Variants in NDUFA10 observed in about 807,000 individuals in gnomAD.
The protein encoded by NDUFA10 is NADH:ubiquinone oxidoreductase subunit A10.
In NDUFA10, 40 loss-of-function variants were observed where a neutral mutation model predicts 47.8. The ratio of observed to expected loss-of-function variants is 0.84; its 90% confidence interval spans 0.65 to 1.09. The LOEUF (loss-of-function observed/expected upper bound fraction) is 1.09, where lower values mean the gene tolerates loss of function less well. Ranked by LOEUF, NDUFA10 falls within the 50% of genes least tolerant of loss-of-function variation. NDUFA10 has a pLI of 0.00. For synonymous variants in NDUFA10, 183 were observed against 172.2 expected (o/e 1.06, Z -0.49); for missense variants, 413 against 451.1 (o/e 0.92, Z 0.76).
intron 9 of NDUFA10, among the ~76,000 whole-genome samples, chr2:239,972,146 T>A (rs893285921): frequency 1.3e-4 from 6 of 46,352 alleles, no homozygotes; most frequent in Non-Finnish European, 2.2e-4. Flanking sequence ...GATGTGTGTG[T>A]GTGTGTGTGT....
chr2:239,932,345 T>C (rs1412157277), intron 4 of NDUFA10, among the ~76,000 whole-genome samples: 5 of 152,206 alleles, frequency 3.3e-5, no homozygotes, highest in Non-Finnish European at 7.3e-5. Context: ...TGCATTCTGC[T>C]TTTCTTCTAA....
intron 4 of NDUFA10, among the ~76,000 whole-genome samples, chr2:239,911,245 G>C (rs1180301042): frequency 1.3e-5 from 2 of 152,156 alleles, no homozygotes; most frequent in African/African-American, 4.8e-5. Flanking sequence ...CCTGACCTGG[G>C]AGAAGGGGCT....
chr2:239,921,335 G>C (rs945699745), intron 4 of NDUFA10, among the ~76,000 whole-genome samples: 1 of 128,160 alleles, frequency 7.8e-6, no homozygotes, highest in African/African-American at 3.2e-5. Flanking sequence ...GACCCAAAGA[G>C]TGGAGAAGGA....
chr2:239,939,468 G>C (rs905824474), intron 4 of NDUFA10, among the ~76,000 whole-genome samples: 1 of 152,250 alleles, frequency 6.6e-6, no homozygotes, highest in Non-Finnish European at 1.5e-5. Context: ...GTACTCCAAC[G>C]TGTCTGCCAT....
At chr2:240,018,050 C>T (rs1371773082) in intron 4 of NDUFA10, 3 of 696,096 alleles carry the variant, frequency 4.3e-6, no homozygotes, top group Non-Finnish European at 7.4e-6. Flanking sequence ...TGTTCCTTTC[C>T]ATTTGCCACT....
intron 6 of NDUFA10, 115 bp from the exon 7 acceptor site, chr2:240,007,485 T>C: frequency 1.3e-6 from 1 of 762,922 alleles, no homozygotes; most frequent in South Asian, 1.5e-5. Flanking sequence ...TCACATTCTC[T>C]GCACTGGGCA....
rs1339609689 is a variant in NDUFA10 at position 239,922,068 on chromosome 2, T to C, written c.295-26754A>G. Among the ~76,000 whole-genome samples the C allele has an allele frequency of 8.3e-5, 11 of 133,140 alleles. No individual in the cohort carries two copies. The East Asian group carries it at 2.5e-3, about 31-fold the overall frequency. 87.3% of individuals were successfully genotyped at this position (133,140 alleles called of 152,430 possible). On this transcript the variant is annotated intron_variant, in intron 4 of 5. Coordinates refer to the NDUFA10 transcript ENST00000419408. ...TTCTTCCCTCCCTCCCTTCCTTCTT[T>C]CCTTCCTTCCTTGCTTGTTTCCTTC...
At chr2:239,962,209 G>GTA (rs1417239555) in intron 9 of NDUFA10, among the ~76,000 whole-genome samples, 8 of 105,194 alleles carry the variant, frequency 7.6e-5, no homozygotes, top group African/African-American at 2.3e-4. Context: ...GTCAATTTGT[G>GTA]TACACACACA....
intron 4 of NDUFA10, among the ~76,000 whole-genome samples, chr2:239,949,834 C>G (rs1161144337): frequency 6.6e-6 from 1 of 152,200 alleles, no homozygotes; most frequent in Non-Finnish European, 1.5e-5. Flanking sequence ...ACTTGCACCA[C>G]TGGCTCTCCT....
intron 8 of NDUFA10, among the ~76,000 whole-genome samples, chr2:239,996,503 A>G (rs909085551): frequency 1.3e-5 from 2 of 152,206 alleles, no homozygotes; most frequent in Admixed American, 1.3e-4. Context: ...TAAAAATACA[A>G]CTTATCCACA....
At chr2:239,908,057 C>T (rs1693687486) in intron 4 of NDUFA10, among the ~76,000 whole-genome samples, 1 of 152,186 alleles carries the variant, frequency 6.6e-6, no homozygotes, top group African/African-American at 2.4e-5. Flanking sequence ...CCATGGAATA[C>T]TATGCAGCCA....
intron 9 of NDUFA10, among the ~76,000 whole-genome samples, chr2:239,985,507 G>A (rs1171340575): frequency 6.6e-6 from 1 of 151,928 alleles, no homozygotes; most frequent in Non-Finnish European, 1.5e-5. Context: ...ATACAGAAAG[G>A]AGCAGACACA....
intron 9 of NDUFA10, among the ~76,000 whole-genome samples, chr2:239,977,935 G>T (rs1164677063): frequency 1.3e-5 from 2 of 152,168 alleles, no homozygotes; most frequent in African/African-American, 2.4e-5. Context: ...CTCCCCATGG[G>T]AGGAAAGAGC....
chr2:240,011,685 C>T lies in NDUFA10; in HGVS notation c.681G>A (p.Met227Ile), dbSNP rs1293056467. The T allele has an allele frequency of 6.2e-7, 1 of 1,612,882 alleles. No individual in the cohort carries two copies. Among genetic ancestry groups the T allele is most frequent in the East Asian group, 2.2e-5 (1 of 44,872 alleles). The change falls in exon 6 of 10, where the codon ATG becomes ATA. Residue 227 changes from methionine to isoleucine, a missense_variant. Transcript: ENST00000252711. ...RIQKKGDPHE[M>I]KITSAYLQDI... Reference sequence around the variant, plus strand: ...CCTGTAGATAGGCAGAGGTGATCTTCATTTCATGTGGCTAAACAGAAGCAG... The same window carrying T: ...CCTGTAGATAGGCAGAGGTGATCTTTATTTCATGTGGCTAAACAGAAGCAG...
At chr2:239,966,862 TTTTTTTTTC>T (rs1186491952) in intron 9 of NDUFA10, among the ~76,000 whole-genome samples, 2 of 108,600 alleles carry the variant, frequency 1.8e-5, no homozygotes, top group Non-Finnish European at 3.9e-5. Flanking sequence ...TTTTTTTTTT[TTTTTTTTTC>T]CCTAAGAGAG....
At chr2:240,004,401 G>A (rs535928345) in intron 8 of NDUFA10, among the ~76,000 whole-genome samples, 2 of 151,980 alleles carry the variant, frequency 1.3e-5, no homozygotes, top group Non-Finnish European at 2.9e-5. Context: ...ATGGATATAA[G>A]TCATATCGTA....
chr2:239,999,851 T>C (rs1050874721), intron 8 of NDUFA10, among the ~76,000 whole-genome samples: 1 of 152,236 alleles, frequency 6.6e-6, no homozygotes, highest in Non-Finnish European at 1.5e-5. Flanking sequence ...GTTTGTACCA[T>C]GTGACAGGTT....
At chr2:239,968,747 AC>A (rs1466777694) in intron 9 of NDUFA10, among the ~76,000 whole-genome samples, 2 of 152,188 alleles carry the variant, frequency 1.3e-5, no homozygotes, top group Non-Finnish European at 2.9e-5. Context: ...ATGAAGCTGG[AC>A]AAAGTCGACT....
At chr2:239,976,819 G>GC (rs1695544024) in intron 9 of NDUFA10, among the ~76,000 whole-genome samples, 5 of 152,160 alleles carry the variant, frequency 3.3e-5, no homozygotes, top group Admixed American at 3.3e-4. Context: ...GCTCAGAGTG[G>GC]CCCTAGGAAG....
Sources: allele counts gnomAD v4.1 joint callset (sites outside exome capture counted in the v4.1 genomes callset), GRCh38; gene constraint gnomAD v4.1.1; transcripts MANE v1.5; gene names NCBI Gene and HGNC (gene_info 2026-07-23, HGNC 2026-07-21).